The following SAMD3 variants were observed in gnomAD, a reference collection of about 807,000 sequenced individuals.
SAMD3 encodes sterile alpha motif domain-containing protein 3.
SAMD3 carries 63 observed loss-of-function variants against 58.5 expected under a neutral mutation model. That is an observed-to-expected ratio of 1.08 (90% confidence interval 0.88 to 1.33). The LOEUF (loss-of-function observed/expected upper bound fraction) is 1.33, where lower values mean the gene tolerates loss of function less well. Ranked by LOEUF, SAMD3 falls within the 40% of genes most tolerant of loss-of-function variation. The pLI is 0.00. For missense variants in SAMD3, 604 were observed against 608.4 expected, an observed-to-expected ratio of 0.99 and a Z score of 0.08; for synonymous variants, 220 against 210.3, an observed-to-expected ratio of 1.05 and a Z score of -0.40.
chr6:130,309,951 A>G (rs1213598180), intron 2 of SAMD3, among the ~76,000 whole-genome samples: 6 of 152,156 alleles, frequency 3.9e-5, no homozygotes, highest in Non-Finnish European at 4.4e-5. Flanking sequence ...AGAGAGAAAA[A>G]CCTTTCTGCA....
At chr6:130,309,958 T>C (rs563408490) in intron 2 of SAMD3, among the ~76,000 whole-genome samples, 7 of 152,334 alleles carry the variant, frequency 4.6e-5, no homozygotes, top group South Asian at 2.1e-4. Flanking sequence ...AAAACCTTTC[T>C]GCAATTTACA....
At chr6:130,337,092 G>C (rs1412478183) in intron 1 of SAMD3, among the ~76,000 whole-genome samples, 24 of 152,158 alleles carry the variant, frequency 1.6e-4, no homozygotes, top group Admixed American at 1.6e-3. Context: ...GGCTGGCTCT[G>C]TGTCCCCACC....
chr6:130,195,229 C>G (rs549212312), intron 5 of SAMD3, among the ~76,000 whole-genome samples: 1 of 152,042 alleles, frequency 6.6e-6, no homozygotes, highest in Non-Finnish European at 1.5e-5. Context: ...CTACCTTAAC[C>G]CACAAGTATA....
intron 2 of SAMD3, among the ~76,000 whole-genome samples, chr6:130,277,126 A>C (rs12206915): frequency 0.31 from 47,307 of 152,164 alleles, 7,732 homozygotes; most frequent in East Asian, 0.47. Flanking sequence ...TATAGAAAAG[A>C]AAGTTATGAA....
At chr6:130,251,243 T>C (rs1335985298) in intron 2 of SAMD3, among the ~76,000 whole-genome samples, 4 of 152,194 alleles carry the variant, frequency 2.6e-5, no homozygotes, top group African/African-American at 4.8e-5. Context: ...GAAATGTCTG[T>C]TTAAACTCTT....
chr6:130,236,040 TAGATTTTAA>T (rs1004404534), intron 2 of SAMD3, among the ~76,000 whole-genome samples: 6 of 152,224 alleles, frequency 3.9e-5, no homozygotes, highest in African/African-American at 1.4e-4. Flanking sequence ...ATTAAATCAT[TAGATTTTAA>T]TAATACTTTC....
At chr6:130,219,926 A>C (rs1796148729) in intron 1 of SAMD3, among the ~76,000 whole-genome samples, 1 of 152,226 alleles carries the variant, frequency 6.6e-6, no homozygotes, top group Non-Finnish European at 1.5e-5. Context: ...TGTAATTCAC[A>C]ACACCTCCAA....
intron 5 of SAMD3, among the ~76,000 whole-genome samples, chr6:130,191,623 C>A (rs1193917430): frequency 7.5e-6 from 1 of 132,624 alleles, no homozygotes; most frequent in South Asian, 2.3e-4. Flanking sequence ...TTGCTTCCTT[C>A]CTTTTTTTTT....
intron 2 of SAMD3, among the ~76,000 whole-genome samples, chr6:130,277,315 A>G (rs969200463): frequency 1.3e-5 from 2 of 152,204 alleles, no homozygotes; most frequent in Admixed American, 1.3e-4. Flanking sequence ...TAAACTATAT[A>G]CTACATTCCT....
At chr6:130,146,722 C>G (rs1788661783) in intron 9 of SAMD3, among the ~76,000 whole-genome samples, 2 of 152,058 alleles carry the variant, frequency 1.3e-5, no homozygotes, top group Non-Finnish European at 2.9e-5. Flanking sequence ...TGATTATAAT[C>G]CCAGCATTTT....
chr6:130,172,496 T>C (rs751452917), intron 8 of SAMD3, among the ~76,000 whole-genome samples: 17 of 152,232 alleles, frequency 1.1e-4, no homozygotes, highest in Non-Finnish European at 2.2e-4. Context: ...AAATTTTGGG[T>C]TGAAAATTCT....
chr6:130,186,956 T>G lies in SAMD3; in HGVS notation c.384-2333A>C, dbSNP rs185302051. On this transcript the variant is annotated intron_variant, in intron 5 of 11. Transcript: ENST00000439090. ...TGGCTAATTTTTTTTATTTTTAGTA[T>G]AGACAGTGTTTCACCATGTTGGCCA... Among the ~76,000 whole-genome samples, 823 of 151,586 alleles carry G rather than the reference T, an allele frequency of 5.4e-3. 4 individuals carry two copies. Among genetic ancestry groups the G allele is most frequent in the Non-Finnish European group, 8.5e-3 (579 of 67,854 alleles).
chr6:130,165,708 G>A (rs769196660), intron 8 of SAMD3, among the ~76,000 whole-genome samples: 2 of 152,012 alleles, frequency 1.3e-5, no homozygotes, highest in South Asian at 4.2e-4. Flanking sequence ...ATGATAATAG[G>A]TTGATAGCTC....
At chr6:130,256,836 T>C (rs932118833) in intron 2 of SAMD3, among the ~76,000 whole-genome samples, 1 of 152,260 alleles carries the variant, frequency 6.6e-6, no homozygotes, top group East Asian at 1.9e-4. Context: ...TTTCTATCAC[T>C]TTGTGAGACA....
chr6:130,152,200 G>A (rs1486209631), intron 9 of SAMD3, among the ~76,000 whole-genome samples: 2 of 152,140 alleles, frequency 1.3e-5, no homozygotes, highest in African/African-American at 2.4e-5. Flanking sequence ...AGGCGGTGGG[G>A]GTGGTTTGGT....
At chr6:130,316,956 G>A (rs1776396837) in intron 1 of SAMD3, among the ~76,000 whole-genome samples, 1 of 152,134 alleles carries the variant, frequency 6.6e-6, no homozygotes, top group African/African-American at 2.4e-5. Context: ...GGCTTTAAGA[G>A]GTTGGTTAAC....
At chr6:130,331,970 C>G (rs1776948123) in intron 1 of SAMD3, among the ~76,000 whole-genome samples, 1 of 152,084 alleles carries the variant, frequency 6.6e-6, no homozygotes, top group Non-Finnish European at 1.5e-5. Flanking sequence ...CTGATTTCTG[C>G]TTAAAAGTAT....
intron 4 of SAMD3, among the ~76,000 whole-genome samples, 168 bp from the exon 5 acceptor site, chr6:130,209,776 C>T (rs1308470563): frequency 3.3e-5 from 5 of 152,212 alleles, no homozygotes; most frequent in Admixed American, 6.5e-5. Context: ...GCCCCTCTGG[C>T]GTCATCTAAT....
chr6:130,266,982 C>G (rs948704985), intron 2 of SAMD3, among the ~76,000 whole-genome samples: 7 of 152,166 alleles, frequency 4.6e-5, no homozygotes, highest in Non-Finnish European at 7.3e-5. Context: ...GAAATCATCA[C>G]TAATAAAACC....
Sources: allele counts gnomAD v4.1 joint callset (sites outside exome capture counted in the v4.1 genomes callset), GRCh38; gene constraint gnomAD v4.1.1; transcripts MANE v1.5; gene names NCBI Gene and HGNC (gene_info 2026-07-23, HGNC 2026-07-21).